PIK3C2G: variants seen among roughly 807,000 people sequenced by gnomAD.
The protein encoded by PIK3C2G is phosphatidylinositol 3-kinase C2 domain-containing subunit gamma.
A neutral mutation model predicts 181.1 loss-of-function variants in PIK3C2G; 168 were observed. That is an observed-to-expected ratio of 0.93 (90% CI 0.82 to 1.05). The LOEUF is 1.05. Among genes scored for constraint, PIK3C2G ranks in the 50% least tolerant of loss-of-function variants. The probability of loss-of-function intolerance (pLI) is 0.00; values close to 1 mark genes in which losing one functional copy is unlikely to be tolerated. For missense variants in PIK3C2G, 1,869 were observed against 1,732.8 expected (o/e 1.08, Z -1.40); for synonymous variants, 573 against 592.2 (o/e 0.97, Z 0.47).
At chr12:18,515,178 C>A (rs946302024) in intron 24 of PIK3C2G, among the ~76,000 whole-genome samples, 1 of 151,592 alleles carries the variant, frequency 6.6e-6, no homozygotes, top group Non-Finnish European at 1.5e-5. Context: ...CTCATCAGAC[C>A]TGTGGTTTTC....
intron 13 of PIK3C2G, among the ~76,000 whole-genome samples, chr12:18,380,182 C>A (rs1014782576): frequency 1.3e-5 from 2 of 152,160 alleles, no homozygotes; most frequent in African/African-American, 4.8e-5. Flanking sequence ...AACTGGGACG[C>A]CTATGTCCGC....
rs1338110698 is a variant in PIK3C2G at position 18,503,264 on chromosome 12, T to C, written c.3017-17T>C. 27 of 1,560,710 alleles carry C rather than the reference T, an allele frequency of 1.7e-5. No individual in the cohort carries two copies. The highest frequency in any genetic ancestry group is 2.3e-5 in the Non-Finnish European group (27 of 1,152,182). On this transcript the variant is annotated splice_polypyrimidine_tract_variant and intron_variant, in intron 22 of 32. Coordinates refer to ENST00000538779, the MANE Select transcript of PIK3C2G (RefSeq NM_001288772.2). ...TGATGAAGGAATTGTCTCTGTAATC[T>C]TTTTTTTCTCTACCAGGATTGGTGC... is the stretch of plus-strand genomic sequence containing the variant.
At chr12:18,650,726 A>ATATC (rs1565602763), downstream of PIK3C2G, among the ~76,000 whole-genome samples, 73 of 21,528 alleles carry the variant, frequency 3.4e-3, no homozygotes, top group South Asian at 0.016. Flanking sequence ...ATATATATAT[A>ATATC]TATATATATA....
intron 18 of PIK3C2G, among the ~76,000 whole-genome samples, chr12:18,480,305 G>T (rs1355375904): frequency 6.6e-6 from 1 of 152,120 alleles, no homozygotes; most frequent in African/African-American, 2.4e-5. Flanking sequence ...TTAGAAAAAT[G>T]ATAAATAAAA....
chr12:18,360,937 T>C (rs1216538783), intron 11 of PIK3C2G, among the ~76,000 whole-genome samples: 1 of 152,182 alleles, frequency 6.6e-6, no homozygotes, highest in East Asian at 1.9e-4. Flanking sequence ...TTTTTCACCA[T>C]TACTTTTTCA....
intron 31 of PIK3C2G, among the ~76,000 whole-genome samples, chr12:18,621,970 T>A (rs970122325): frequency 1.3e-5 from 2 of 151,900 alleles, no homozygotes; most frequent in Non-Finnish European, 3.0e-5. Context: ...GGGACATAAA[T>A]ACAAAAGTGA....
At chr12:18,667,027 A>G in the PIK3C2G span, among the ~76,000 whole-genome samples, 1 of 152,188 alleles carries the variant, frequency 6.6e-6, no homozygotes, top group African/African-American at 2.4e-5. Flanking sequence ...ATAATGGTGT[A>G]GGCTATATCA....
intron 11 of PIK3C2G, among the ~76,000 whole-genome samples, chr12:18,360,986 T>C (rs1941186566): frequency 6.6e-6 from 1 of 152,144 alleles, no homozygotes; most frequent in South Asian, 2.1e-4. Flanking sequence ...TTTTTTTCTC[T>C]TTCTGAAAAT....
intron 5 of PIK3C2G, among the ~76,000 whole-genome samples, chr12:18,295,079 AAAT>A (rs773414881): frequency 2.0e-5 from 3 of 149,824 alleles, no homozygotes; most frequent in African/African-American, 7.3e-5. Context: ...TATTGTATTA[AAAT>A]AATATTTCAA....
intron 24 of PIK3C2G, among the ~76,000 whole-genome samples, chr12:18,525,164 G>A (rs1943152221): frequency 6.6e-6 from 1 of 151,974 alleles, no homozygotes; most frequent in Non-Finnish European, 1.5e-5. Flanking sequence ...GCCAAGGCAG[G>A]TGGATCACCT....
chr12:18,581,051 A>C (rs951893090), intron 29 of PIK3C2G, among the ~76,000 whole-genome samples: 2 of 152,240 alleles, frequency 1.3e-5, no homozygotes, highest in Non-Finnish European at 2.9e-5. Context: ...GATAACAAGA[A>C]TATGTTCAGA....
chr12:18,282,171 C>T lies in PIK3C2G; in HGVS notation c.90C>T (p.Pro30=). 1.2e-6 allele frequency: 2 copies of T among 1,611,692 alleles called. No individual in the cohort carries two copies. The highest frequency in any genetic ancestry group is 1.3e-5 in the African/African-American group (1 of 74,970). ...AAGAATTTCTCTTTGTAAATCAACC[C>T]CATTCTTCTAGCCAAGTCAGTCTGG... The part of the protein sequence containing the change: ...EHQEFLFVNQ[P]HSSSQVSLGF... The change falls in exon 2 of 33, where the codon CCC becomes CCT. Residue 30 remains proline (P), a synonymous_variant. Transcript: ENST00000538779.
At chr12:18,334,399 T>C (rs552497064) in intron 8 of PIK3C2G, among the ~76,000 whole-genome samples, 8 of 152,288 alleles carry the variant, frequency 5.3e-5, no homozygotes, top group African/African-American at 1.9e-4. Flanking sequence ...TCTTTTTACC[T>C]GAAAGACCAT....
At chr12:18,472,225 A>G (rs1938528012) in intron 18 of PIK3C2G, among the ~76,000 whole-genome samples, 1 of 152,212 alleles carries the variant, frequency 6.6e-6, no homozygotes, top group South Asian at 2.1e-4. Flanking sequence ...TCATAATGAT[A>G]CATTTATAAT....
At chr12:18,296,321 A>G (rs1201259586) in intron 5 of PIK3C2G, among the ~76,000 whole-genome samples, 1 of 152,170 alleles carries the variant, frequency 6.6e-6, no homozygotes, top group African/African-American at 2.4e-5. Context: ...GGATGTTGTT[A>G]GAAAAAGAAT....
chr12:18,635,029 C>T (rs1001410257), intron 31 of PIK3C2G, among the ~76,000 whole-genome samples: 2 of 152,196 alleles, frequency 1.3e-5, no homozygotes, highest in African/African-American at 4.8e-5. Flanking sequence ...GCCATTTCTC[C>T]TTCCAAGCAA....
chr12:18,357,951 A>C (rs1262793009), intron 11 of PIK3C2G, among the ~76,000 whole-genome samples: 1 of 152,230 alleles, frequency 6.6e-6, no homozygotes, highest in Non-Finnish European at 1.5e-5. Flanking sequence ...AGGTTGAATA[A>C]TATATCATTG....
intron 27 of PIK3C2G, among the ~76,000 whole-genome samples, 189 bp from the exon 28 acceptor site, chr12:18,563,188 C>T (rs554926175): frequency 6.6e-6 from 1 of 152,266 alleles, no homozygotes; most frequent in East Asian, 1.9e-4. Flanking sequence ...GTTCCTAGCA[C>T]ATACAATTGT....
intron 16 of PIK3C2G, among the ~76,000 whole-genome samples, chr12:18,416,420 T>C (rs371288083): frequency 2.6e-4 from 40 of 152,266 alleles, no homozygotes; most frequent in African/African-American, 9.4e-4. Context: ...TCAATATAGA[T>C]GAAACAACCT....
Sources: allele counts gnomAD v4.1 joint callset (sites outside exome capture counted in the v4.1 genomes callset), GRCh38; gene constraint gnomAD v4.1.1; transcripts MANE v1.5; gene names NCBI Gene and HGNC (gene_info 2026-07-23, HGNC 2026-07-21).